The following UNC5B variants were observed in gnomAD, a reference collection of about 807,000 sequenced individuals.
The protein encoded by UNC5B is netrin receptor UNC5B.
UNC5B carries 56 observed loss-of-function variants against 103.7 expected under a neutral mutation model. The observed-to-expected ratio is 0.54, with a 90% CI of 0.44 to 0.67. UNC5B has a LOEUF of 0.67. UNC5B is among the 30% of genes least tolerant of loss of function. UNC5B has a pLI of 0.00. For missense variants in UNC5B, 1,194 were observed against 1,284.5 expected, an observed-to-expected ratio of 0.93 and a Z score of 1.08; for synonymous variants, 577 against 542.0, an observed-to-expected ratio of 1.06 and a Z score of -0.90.
chr10:71,298,197 C>T, intron 16 of UNC5B, 107 bp downstream of exon 16: 3 of 1,348,322 alleles, frequency 2.2e-6, no homozygotes, highest in Non-Finnish European at 2.0e-6. Flanking sequence ...CCCAGACCAG[C>T]TGCCCTTTTG....
chr10:71,244,901 C>G (rs940815354), intron 1 of UNC5B, among the ~76,000 whole-genome samples: 2 of 152,248 alleles, frequency 1.3e-5, no homozygotes, highest in African/African-American at 4.8e-5. Context: ...CCTCCCCAAC[C>G]CACTTCTCAG....
At chr10:71,259,338 G>T (rs866358143) in intron 1 of UNC5B, among the ~76,000 whole-genome samples, 1 of 147,818 alleles carries the variant, frequency 6.8e-6, no homozygotes, top group East Asian at 2.0e-4. Context: ...GTAGTGAGCC[G>T]ATATGCCACT....
In UNC5B at chr10:71,212,970, A is replaced by T; in HGVS notation, c.-16A>T. 1 of 1,341,166 alleles carries T rather than the reference A, an allele frequency of 7.5e-7. No individual in the cohort carries two copies. Among genetic ancestry groups the T allele is most frequent in the East Asian group, 2.9e-5 (1 of 34,998 alleles). The allele number at this position is 1,341,166 out of a possible 1,614,324, so 83.1% of individuals were successfully genotyped here. ...ACAGCCCTGGGGGAGAGGCGCCCGA[A>T]CCAGGCCGCGGGAGCATGGGGGCCC... is the stretch of plus-strand genomic sequence containing the variant. On this transcript the variant is annotated 5_prime_UTR_variant, in exon 1 of 17. Transcript: ENST00000335350.
Position 71,216,336 on chromosome 10 carries a change from T to G in UNC5B, c.79+3272T>G, listed in dbSNP as rs547653500. 6.6e-5 allele frequency among the ~76,000 whole-genome samples: 10 copies of G among 152,264 alleles called. No homozygotes were observed. The East Asian group carries it at 1.9e-3, about 29-fold the overall frequency. On this transcript the variant is annotated intron_variant, in intron 1 of 16. Coordinates refer to ENST00000335350, the MANE Select transcript of UNC5B (RefSeq NM_170744.5). The stretch of plus-strand genomic sequence containing the variant: ...GATGGCTGCTTTAGACTGGAACTCA[T>G]GGCAGGATGGAGGAAAGAGGTTGAG...
At chr10:71,236,492 G>A (rs757057010) in intron 1 of UNC5B, among the ~76,000 whole-genome samples, 7 of 152,212 alleles carry the variant, frequency 4.6e-5, no homozygotes, top group Non-Finnish European at 8.8e-5. Context: ...GAGCCAGCTC[G>A]TAAATATGAA....
At chr10:71,221,745 T>C (rs1843456343) in intron 1 of UNC5B, among the ~76,000 whole-genome samples, 1 of 152,146 alleles carries the variant, frequency 6.6e-6, no homozygotes, top group Non-Finnish European at 1.5e-5. Flanking sequence ...GGAGGGGTCT[T>C]GCGCGATGTT....
In UNC5B at chr10:71,213,041, G is replaced by T; in HGVS notation, c.56G>T (p.Trp19Leu). 2 of 1,415,094 alleles carry T rather than the reference G, an allele frequency of 1.4e-6. No homozygotes were observed. The highest frequency in any genetic ancestry group is 1.9e-6 in the Non-Finnish European group (2 of 1,078,024). The allele number at this position is 1,415,094 out of a possible 1,614,324, so 87.7% of individuals were successfully genotyped here. The change falls in exon 1 of 17, where the codon TGG becomes TTG. Residue 19 changes from tryptophan to leucine, a missense_variant. Coordinates refer to ENST00000335350, the MANE Select transcript of UNC5B (RefSeq NM_170744.5). This position sits in a 1 kb window ranked among gnomAD's most constrained non-coding sequence, Gnocchi z 4.1. ...CTGCTGCTGGCACTGCTGCTCTGCT[G>T]GGACCCGAGGCTGAGCCAAGCAGGT... ...GALLLALLLC[W>L]DPRLSQAGTD...
At chr10:71,219,946 G>T (rs1461210854) in intron 1 of UNC5B, among the ~76,000 whole-genome samples, 1 of 152,200 alleles carries the variant, frequency 6.6e-6, no homozygotes, top group Non-Finnish European at 1.5e-5. Flanking sequence ...TGGGATGGGG[G>T]CTAGCTAGCT....
At chr10:71,217,551 C>A (rs1490857365) in intron 1 of UNC5B, 1 of 152,214 alleles carries the variant, frequency 6.6e-6, no homozygotes, top group East Asian at 1.9e-4. Context: ...CCGCCTCAGC[C>A]GCTGCGCCCC....
chr10:71,261,541 C>A (rs1844417194), intron 1 of UNC5B, among the ~76,000 whole-genome samples: 1 of 152,168 alleles, frequency 6.6e-6, no homozygotes, highest in African/African-American at 2.4e-5. Flanking sequence ...GAAATCTGAG[C>A]CTCAATTTCT....
At chr10:71,254,586 T>TG (rs1844248358) in intron 1 of UNC5B, among the ~76,000 whole-genome samples, 2 of 152,268 alleles carry the variant, frequency 1.3e-5, no homozygotes, top group South Asian at 4.2e-4. Context: ...GAGGCTGGGT[T>TG]GGGGGGAGGG....
rs187991067 is a variant in UNC5B at position 71,272,003 on chromosome 10, C to T, written c.80-7818C>T. Among the ~76,000 whole-genome samples the T allele has an allele frequency of 5.8e-3, 880 of 152,258 alleles. 8 individuals are homozygous for T. The highest frequency in any genetic ancestry group is 0.02 in the African/African-American group (837 of 41,552). ...GGCCCCTGCCTGAACCCCACAGCCG[C>T]AAGGAGCCAGGGCCAGATGGAGGAA... On this transcript the variant is annotated intron_variant, in intron 1 of 16. Transcript: ENST00000335350.
At chr10:71,237,043 G>C (rs1564710758) in intron 1 of UNC5B, among the ~76,000 whole-genome samples, 2 of 151,598 alleles carry the variant, frequency 1.3e-5, no homozygotes, top group African/African-American at 2.4e-5. Context: ...AGGGTATTCA[G>C]AGGTTTGGAG....
chr10:71,246,811 A>T (rs1844048244), intron 1 of UNC5B, among the ~76,000 whole-genome samples: 1 of 152,238 alleles, frequency 6.6e-6, no homozygotes, highest in Non-Finnish European at 1.5e-5. Flanking sequence ...GACCCAGGCC[A>T]GAGAGGGGAG....
chr10:71,237,209 C>T (rs1843791829), intron 1 of UNC5B, among the ~76,000 whole-genome samples: 2 of 152,176 alleles, frequency 1.3e-5, no homozygotes, highest in Non-Finnish European at 1.5e-5. Flanking sequence ...CCCCTGTTTG[C>T]CTGGTCACCA....
At chr10:71,276,098 G>A (rs1391613829) in intron 1 of UNC5B, among the ~76,000 whole-genome samples, 1 of 152,002 alleles carries the variant, frequency 6.6e-6, no homozygotes, top group Non-Finnish European at 1.5e-5. Context: ...AAGATTTTAG[G>A]ATATAAATAT....
chr10:71,260,364 G>A (rs1054397145), intron 1 of UNC5B, among the ~76,000 whole-genome samples: 2 of 152,230 alleles, frequency 1.3e-5, no homozygotes, highest in Non-Finnish European at 2.9e-5. Context: ...GCTGGGCCCG[G>A]GAGCACGGAG....
At chr10:71,277,707 A>G (rs1262474121) in intron 1 of UNC5B, among the ~76,000 whole-genome samples, 1 of 152,228 alleles carries the variant, frequency 6.6e-6, no homozygotes, top group Non-Finnish European at 1.5e-5. Flanking sequence ...TGTACCTGGC[A>G]GTGGGAAGCA....
At position 71,279,918 on chromosome 10, in the gene UNC5B, T is replaced by A. The variant is rs1284906196; in HGVS notation, c.177T>A (p.Ile59=). The A allele has an allele frequency of 6.2e-7, 1 of 1,613,938 alleles. No individual in the cohort carries two copies. The highest frequency in any genetic ancestry group is 1.3e-5 in the African/African-American group (1 of 75,050). The change falls in exon 2 of 17, where the codon ATT becomes ATA. Residue 59 remains isoleucine (I), a synonymous_variant. Transcript: ENST00000335350. ...YFLQEPQDAY[I]VKNKPVELRC... Reference sequence around the variant, plus strand: ...TGCAGGAGCCACAGGACGCCTACATTGTGAAGAACAAGCCTGTGGAGCTCC... The same window carrying A: ...TGCAGGAGCCACAGGACGCCTACATAGTGAAGAACAAGCCTGTGGAGCTCC...
Sources: allele counts gnomAD v4.1 joint callset (sites outside exome capture counted in the v4.1 genomes callset), GRCh38; gene constraint gnomAD v4.1.1; non-coding constraint Gnocchi (gnomAD v3.1); transcripts MANE v1.5; gene names NCBI Gene and HGNC (gene_info 2026-07-23, HGNC 2026-07-21).